ECSIT: variants seen among roughly 807,000 people sequenced by gnomAD.
The protein encoded by ECSIT is evolutionarily conserved signaling intermediate in Toll pathway, mitochondrial.
Under a neutral mutation model 36.8 loss-of-function variants are expected in ECSIT, and 29 were observed. That is an observed-to-expected ratio of 0.79 (90% CI 0.59 to 1.08). The LOEUF (loss-of-function observed/expected upper bound fraction) is 1.08, where lower values mean the gene tolerates loss of function less well. Ranked by LOEUF, ECSIT falls within the 50% of genes least tolerant of loss-of-function variation. The probability of loss-of-function intolerance (pLI) is 0.00; values close to 1 mark genes in which losing one functional copy is unlikely to be tolerated. For missense variants in ECSIT, 542 were observed against 581.0 expected (o/e 0.93, Z 0.69); for synonymous variants, 231 against 234.8 (o/e 0.98, Z 0.15).
chr19:11,518,253 C>T (rs917319101), intron 2 of ECSIT, among the ~76,000 whole-genome samples: 14 of 152,110 alleles, frequency 9.2e-5, no homozygotes, highest in Admixed American at 2.0e-4. Context: ...ATGGCAAAAC[C>T]GCGTCTCTAC....
rs763311054 is a variant in ECSIT at position 11,514,003 on chromosome 19, G to A, written c.315C>T (p.Gly105=). 2 of 1,614,230 alleles carry A rather than the reference G, an allele frequency of 1.2e-6. No homozygotes were observed. The highest frequency in any genetic ancestry group is 1.7e-6 in the Non-Finnish European group (2 of 1,180,042). ...KFAEHSVRKR[G]HIDFIYLALR... ...GGGCCAGGTAGATGAAGTCAATGTG[G>A]CCCCGCTTACGCACGCTGTGCTCCG... Residue 105 remains glycine, a synonymous_variant, in exon 3 of 8, where the codon GGC becomes GGT. Coordinates refer to ENST00000270517, the MANE Select transcript of ECSIT (RefSeq NM_016581.5).
chr19:11,518,270 T>A (rs1972036604), intron 2 of ECSIT, among the ~76,000 whole-genome samples: 4 of 151,704 alleles, frequency 2.6e-5, no homozygotes, highest in Admixed American at 2.0e-4. Context: ...CTACTAAAAT[T>A]ACAAAAATTA....
chr19:11,521,392 G>A (rs73514607), intron 1 of ECSIT, among the ~76,000 whole-genome samples: 17,811 of 151,842 alleles, frequency 0.12, 2,682 homozygotes, highest in African/African-American at 0.35. Context: ...CATTCCCATC[G>A]GCAACGTACA....
intron 2 of ECSIT, among the ~76,000 whole-genome samples, chr19:11,518,426 T>TA (rs35109980): frequency 2.8e-4 from 40 of 141,560 alleles, no homozygotes; most frequent in East Asian, 8.2e-4. Context: ...AAATTCCATC[T>TA]AAAAAAAAAA....
At position 11,506,067 on chromosome 19, in the gene ECSIT, TG is replaced by T. The variant is rs1222695069; in HGVS notation, c.*116del. ...GGAGGGGATGCCATACTGCTAGAGA[TG>T]AGGGAAGAGAGCCCCAAGCAGGAAA... On this transcript the variant is annotated 3_prime_UTR_variant, in exon 8 of 8. Transcript: ENST00000270517. 1 of 1,481,952 alleles carries T rather than the reference TG, an allele frequency of 6.7e-7. No individual in the cohort carries two copies. The highest frequency in any genetic ancestry group is 9.1e-7 in the Non-Finnish European group (1 of 1,103,246). The allele number at this position is 1,481,952 out of a possible 1,614,324, so 91.8% of individuals were successfully genotyped here.
intron 1 of ECSIT, chr19:11,523,880 T>G (rs1310287399): frequency 4.3e-6 from 2 of 463,122 alleles, no homozygotes. Context: ...TTGACTGTTA[T>G]GTAATCACTG....
chr19:11,506,001 A>T lies in ECSIT; in HGVS notation c.*183T>A. On this transcript the variant is annotated 3_prime_UTR_variant, in exon 8 of 8. Coordinates refer to ENST00000270517, the MANE Select transcript of ECSIT (RefSeq NM_016581.5). Reference sequence around the variant, plus strand: ...AACCAGAGGCGCCTGCAGATTCTGGAGGGGTCTCGCCTGCCCATCGCTGGC... The same window carrying T: ...AACCAGAGGCGCCTGCAGATTCTGGTGGGGTCTCGCCTGCCCATCGCTGGC... 9.3e-7 allele frequency: 1 copy of T among 1,077,708 alleles called. No homozygotes were observed. The highest frequency in any genetic ancestry group is 1.3e-6 in the Non-Finnish European group (1 of 756,092). 66.8% of individuals were successfully genotyped at this position (1,077,708 alleles called of 1,614,324 possible). A position where few individuals can be genotyped will look rare whatever the true frequency, so the allele number is the denominator to read the frequency against.
chr19:11,513,469 G>A (rs1971915386), intron 3 of ECSIT, among the ~76,000 whole-genome samples, 190 bp from the exon 4 acceptor site: 1 of 151,376 alleles, frequency 6.6e-6, no homozygotes, highest in Non-Finnish European at 1.5e-5. Context: ...AGGATCACTT[G>A]AGTCCAGGAG....
chr19:11,509,332 C>T (rs1449440165), intron 4 of ECSIT, among the ~76,000 whole-genome samples: 6 of 151,384 alleles, frequency 4.0e-5, no homozygotes, highest in Non-Finnish European at 8.8e-5. Context: ...CTCAGCCTCC[C>T]AAAGCATTGG....
chr19:11,523,862 T>A (rs941857505), intron 1 of ECSIT: 2 of 522,098 alleles, frequency 3.8e-6, no homozygotes, highest in Admixed American at 2.5e-5. Flanking sequence ...CATAAAAAAA[T>A]AAGTTAATTG....
At chr19:11,514,857 T>A (rs1156887865) in intron 2 of ECSIT, among the ~76,000 whole-genome samples, 3 of 150,114 alleles carry the variant, frequency 2.0e-5, no homozygotes, top group East Asian at 1.9e-4. Context: ...TTTTTTTTTT[T>A]AGACAGAGTC....
At chr19:11,523,330 T>G (rs1374853613) in intron 1 of ECSIT, 1 of 295,800 alleles carries the variant, frequency 3.4e-6, no homozygotes, top group Admixed American at 4.8e-5. Flanking sequence ...TATATATATA[T>G]AACATTAAAA....
intron 1 of ECSIT, among the ~76,000 whole-genome samples, chr19:11,520,788 G>A (rs1972087362): frequency 1.3e-5 from 2 of 150,990 alleles, no homozygotes; most frequent in Non-Finnish European, 2.9e-5. Context: ...TGGGATTATA[G>A]TCGTGAGCCA....
rs1312877846 is a variant in ECSIT, at chr19:11,506,357, G to A, written c.1123C>T (p.Gln375Ter). The A allele has an allele frequency of 2.5e-6, 4 of 1,613,678 alleles. No homozygotes were observed. The highest frequency in any genetic ancestry group is 3.4e-6 in the Non-Finnish European group (4 of 1,179,912). Residue 375 changes from glutamine to a stop codon, truncating the protein, a stop_gained, in exon 8 of 8, where the codon CAG becomes TAG. Coordinates refer to ENST00000270517, the MANE Select transcript of ECSIT (RefSeq NM_016581.5). LOFTEE classifies it low-confidence loss of function (END_TRUNC). The stretch of plus-strand genomic sequence containing the variant: ...GTTGGGTTGGTCTCCTGCAGGCCCT[G>A]GATCCACTTAGCCATCGTCGCCTGG... ...HDQATMAKWI[Q>*]GLQETNPTLA...
At chr19:11,520,501 G>A (rs113730086) in intron 1 of ECSIT, among the ~76,000 whole-genome samples, 152 of 151,000 alleles carry the variant, frequency 1.0e-3, no homozygotes, top group African/African-American at 3.4e-3. Context: ...TTCATGCATA[G>A]ATTTTTTTTT....
intron 7 of ECSIT, among the ~76,000 whole-genome samples, chr19:11,506,815 G>GCC (rs1971753281): frequency 6.6e-6 from 1 of 152,132 alleles, no homozygotes; most frequent in Non-Finnish European, 1.5e-5. Context: ...GATTACAGGC[G>GCC]TGAGCCACTG....
rs557443574 is a variant in ECSIT at position 11,513,975 on chromosome 19, G to A, written c.343C>T (p.Arg115Cys). 2.2e-5 allele frequency: 36 copies of A among 1,614,206 alleles called. No homozygotes were observed. In the East Asian group the frequency reaches 2.9e-4, roughly 13 times the overall value. ...GHIDFIYLAL[R>C]KMREYGVERD... ...TCGACACCATACTCCCGCATCTTGC[G>A]CAGGGCCAGGTAGATGAAGTCAATG... The change falls in exon 3 of 8, where the codon CGC becomes TGC. Residue 115 changes from arginine (R) to cysteine (C), a missense_variant. By Grantham distance (180) the Arg-to-Cys change is radical. Transcript: ENST00000270517.
chr19:11,526,240 G>A (rs138660305), intron 1 of ECSIT, among the ~76,000 whole-genome samples: 22 of 152,266 alleles, frequency 1.4e-4, no homozygotes, highest in African/African-American at 4.3e-4. Context: ...TGGGATTACA[G>A]GCATGAGCCA....
intron 1 of ECSIT, among the ~76,000 whole-genome samples, chr19:11,520,791 G>A (rs919097252): frequency 2.7e-5 from 4 of 150,450 alleles, no homozygotes; most frequent in African/African-American, 4.9e-5. Flanking sequence ...GATTATAGTC[G>A]TGAGCCACCG....
Sources: gnomAD v4.1 joint callset for allele counts (sites outside exome capture counted in the v4.1 genomes callset) on GRCh38, gnomAD v4.1.1 for gene constraint, MANE v1.5 for transcripts, NCBI Gene and HGNC (gene_info 2026-07-23, HGNC 2026-07-21) for gene names.